PRKAB2: variants seen among roughly 807,000 people sequenced by gnomAD.
PRKAB2 encodes the protein protein kinase AMP-activated non-catalytic subunit beta 2, also known as 5'-AMP-activated protein kinase subunit beta-2.
Under a neutral mutation model 29.8 loss-of-function variants are expected in PRKAB2, and 18 were observed. The ratio of observed to expected loss-of-function variants is 0.60; its 90% CI spans 0.42 to 0.89. PRKAB2 has a LOEUF of 0.89. Ranked by LOEUF, PRKAB2 falls within the 40% of genes least tolerant of loss-of-function variation. PRKAB2 has a pLI of 0.00. For missense variants in PRKAB2, 270 were observed against 344.3 expected, an observed-to-expected ratio of 0.78 and a Z score of 1.71; for synonymous variants, 136 against 125.9, an observed-to-expected ratio of 1.08 and a Z score of -0.54.
Position 147,155,948 on chromosome 1 carries a change from C to T in PRKAB2, c.*3617G>A, listed in dbSNP as rs587678359. On this transcript the variant is annotated 3_prime_UTR_variant, in exon 8 of 8. Coordinates refer to ENST00000254101, the MANE Select transcript of PRKAB2 (RefSeq NM_005399.5). The stretch of plus-strand genomic sequence containing the variant: ...AAAAGTTTGGGTTCATTGCAGAAAT[C>T]ACAGTCCTTCCATATCCAATTGTGA... The T allele has an allele frequency of 1.5e-4, 23 of 152,174 alleles. No individual in the cohort carries two copies. Among genetic ancestry groups the T allele is most frequent in the African/African-American group, 5.5e-4 (23 of 41,478 alleles). The allele number at this position is 152,174 out of a possible 1,614,324, so 9.4% of individuals were successfully genotyped here.
Position 147,166,500 on chromosome 1 carries a change from C to T in PRKAB2, c.536G>A (p.Arg179Lys). The change falls in exon 5 of 8, where the codon AGA becomes AAA. Residue 179 changes from arginine to lysine, a missense_variant and splice_region_variant. By Grantham distance (26) the Arg-to-Lys change is conservative (BLOSUM62 2). This residue lies in a region of PRKAB2 where 228 missense variants were observed against 255.5 expected (regional missense o/e 0.89). Coordinates refer to ENST00000254101, the MANE Select transcript of PRKAB2 (RefSeq NM_005399.5). Reference protein sequence around the residue: ...DSMESSETSCRDLSSSPPGPY... With the variant: ...DSMESSETSCKDLSSSPPGPY... ...GAGAGTAAATAATACAAAATTACCT[C>T]TACAAGATGTCTCAGAACTTTCCAT... The T allele has an allele frequency of 6.2e-7, 1 of 1,613,200 alleles. No individual in the cohort carries two copies. The highest frequency in any genetic ancestry group is 1.3e-5 in the African/African-American group (1 of 74,990).
intron 5 of PRKAB2, among the ~76,000 whole-genome samples, chr1:147,166,065 A>G (rs148354933): frequency 8.5e-5 from 13 of 152,294 alleles, no homozygotes; most frequent in African/African-American, 2.4e-4. Context: ...TCATAAAATC[A>G]TGAAACTGCT....
At position 147,157,761 on chromosome 1, in the gene PRKAB2, T is replaced by C. The variant is rs587619458; in HGVS notation, c.*1804A>G. The C allele has an allele frequency of 6.6e-6, 1 of 152,202 alleles. No individual in the cohort carries two copies. The highest frequency in any genetic ancestry group is 6.5e-5 in the Admixed American group (1 of 15,278). The allele number at this position is 152,202 out of a possible 1,614,324, so 9.4% of individuals were successfully genotyped here. On this transcript the variant is annotated 3_prime_UTR_variant, in exon 8 of 8. Transcript: ENST00000254101. ...GCCTGGATTTTTAAATGGCACACCA[T>C]TCAAAAAGTGGTTGGGAACATAAAA...
At chr1:147,171,930 G>C (rs1029769371) in intron 2 of PRKAB2, 59 bp downstream of exon 2, 1 of 1,558,052 alleles carries the variant, frequency 6.4e-7, no homozygotes, top group African/African-American at 1.4e-5. Context: ...AAAGGGAAGA[G>C]GAGCCCAGAA....
chr1:147,168,057 G>A (rs1227617308), intron 2 of PRKAB2, 124 bp from the exon 3 acceptor site: 1 of 1,021,214 alleles, frequency 9.8e-7, no homozygotes, highest in Non-Finnish European at 1.4e-6. Flanking sequence ...CCCAAAATTA[G>A]CAACTAAATC....
intron 7 of PRKAB2, chr1:147,160,941 G>C (rs1440332886): frequency 6.6e-6 from 1 of 152,012 alleles, no homozygotes; most frequent in Non-Finnish European, 1.5e-5. Context: ...CTATATCAGT[G>C]ATTTCCCGAA....
Position 147,161,793 on chromosome 1 carries a change from GA to G in PRKAB2, c.673-14del. 1.3e-6 allele frequency: 2 copies of G among 1,585,828 alleles called. No homozygotes were observed. Among genetic ancestry groups the G allele is most frequent in the South Asian group, 2.3e-5 (2 of 86,622 alleles). ...AGGCTGGGTCACACTAAGAGAAAGAGAAAAAAATTACTAAAAAAATTACTAA... is the reference window on the plus strand; with the variant it reads ...AGGCTGGGTCACACTAAGAGAAAGAGAAAAAATTACTAAAAAAATTACTAA... On this transcript the variant is annotated splice_polypyrimidine_tract_variant and intron_variant, in intron 6 of 7. Transcript: ENST00000254101.
chr1:147,165,171 G>A (rs1034134026), intron 5 of PRKAB2, among the ~76,000 whole-genome samples: 50 of 152,134 alleles, frequency 3.3e-4, no homozygotes, highest in African/African-American at 1.2e-3. Flanking sequence ...GACTACAGGC[G>A]CCTGCCACCA....
chr1:147,164,183 C>A (rs1336472903), intron 5 of PRKAB2, among the ~76,000 whole-genome samples: 1 of 152,128 alleles, frequency 6.6e-6, no homozygotes, highest in Non-Finnish European at 1.5e-5. Flanking sequence ...AAGTGATCCT[C>A]CCACTTCGGC....
In PRKAB2 at chr1:147,171,868, C is replaced by G. The variant is rs1448875332; in HGVS notation, c.156+121G>C. ...CCAACACCTCTGTCCCCGATAAATC[C>G]CTTTAATTCAAAAAACCATAGCCCG... On this transcript the variant is annotated intron_variant, in intron 2 of 7. Transcript: ENST00000254101. 1.7e-5 allele frequency: 22 copies of G among 1,288,876 alleles called. No individual in the cohort carries two copies. The African/African-American group carries it at 2.7e-4, about 16-fold the overall frequency. The allele number at this position is 1,288,876 out of a possible 1,614,324, so 79.8% of individuals were successfully genotyped here. A position where few individuals can be genotyped will look rare whatever the true frequency, so the allele number is the denominator to read the frequency against.
chr1:147,160,127 A>C (rs781880542), intron 7 of PRKAB2, among the ~76,000 whole-genome samples: 1 of 152,202 alleles, frequency 6.6e-6, no homozygotes, highest in Admixed American at 6.5e-5. Flanking sequence ...CAAGTCCCAA[A>C]GCAGGTCTAA....
intron 6 of PRKAB2, among the ~76,000 whole-genome samples, chr1:147,162,071 A>G (rs1378282340): frequency 5.9e-5 from 9 of 152,208 alleles, no homozygotes; most frequent in Non-Finnish European, 1.2e-4. Flanking sequence ...GAGTTGTGTT[A>G]CAAGGCAAAA....
chr1:147,167,443 C>T (rs1333440561), intron 3 of PRKAB2, among the ~76,000 whole-genome samples: 3 of 152,160 alleles, frequency 2.0e-5, no homozygotes, highest in Non-Finnish European at 4.4e-5. Flanking sequence ...TGCTTTAGTG[C>T]AGAAGTCAGA....
chr1:147,166,409 C>T, intron 5 of PRKAB2, 89 bp downstream of exon 5: 1 of 1,379,668 alleles, frequency 7.2e-7, no homozygotes, highest in Non-Finnish European at 9.8e-7. Flanking sequence ...CTCTCTCTCT[C>T]CCTCTATATG....
At chr1:147,165,717 C>T (rs1468864486) in intron 5 of PRKAB2, among the ~76,000 whole-genome samples, 4 of 151,842 alleles carry the variant, frequency 2.6e-5, no homozygotes, top group Non-Finnish European at 5.9e-5. Context: ...AGATATTTTC[C>T]GCTACCATAG....
intron 7 of PRKAB2, 145 bp downstream of exon 7, chr1:147,161,565 TAA>T: frequency 1.5e-6 from 1 of 682,456 alleles, no homozygotes; most frequent in Non-Finnish European, 2.4e-6. Flanking sequence ...ACCTAGTAGT[TAA>T]AAAAAAGAGA....
At chr1:147,168,967 C>T (rs1654383787) in intron 2 of PRKAB2, among the ~76,000 whole-genome samples, 1 of 152,170 alleles carries the variant, frequency 6.6e-6, no homozygotes, top group Non-Finnish European at 1.5e-5. Flanking sequence ...ACATACCTGC[C>T]TTGCTTACCT....
intron 7 of PRKAB2, chr1:147,160,690 C>T (rs1182521703): frequency 6.6e-6 from 1 of 150,932 alleles, no homozygotes; most frequent in African/African-American, 2.5e-5. Context: ...ATGAGGAATA[C>T]CTGAGAAAAA....
chr1:147,158,094 G>T lies in PRKAB2; in HGVS notation c.*1471C>A, dbSNP rs782347483. 3 of 152,014 alleles carry T rather than the reference G, an allele frequency of 2.0e-5. No individual in the cohort carries two copies. The highest frequency in any genetic ancestry group is 2.9e-5 in the Non-Finnish European group (2 of 67,988). The allele number at this position is 152,014 out of a possible 1,614,324, so 9.4% of individuals were successfully genotyped here. A position where few individuals can be genotyped will look rare whatever the true frequency, so the allele number is the denominator to read the frequency against. ...CAACAGTTTAGCCTCCTTTAGTGTT[G>T]ATTATTTGACTTATCTGCAAAATGG... On this transcript the variant is annotated 3_prime_UTR_variant, in exon 8 of 8. Coordinates refer to ENST00000254101, the MANE Select transcript of PRKAB2 (RefSeq NM_005399.5).
Sources: allele counts gnomAD v4.1 joint callset (sites outside exome capture counted in the v4.1 genomes callset), GRCh38; gene constraint gnomAD v4.1.1; regional missense constraint gnomAD v4.1.1; transcripts MANE v1.5; gene names NCBI Gene and HGNC (gene_info 2026-07-23, HGNC 2026-07-21).